NNT: variants seen among roughly 807,000 people sequenced by gnomAD.
NNT encodes the protein NAD(P) transhydrogenase, mitochondrial.
NNT carries 50 observed loss-of-function variants against 104.8 expected under a neutral mutation model. The ratio of observed to expected loss-of-function variants is 0.48; its 90% CI spans 0.38 to 0.60. The LOEUF (loss-of-function observed/expected upper bound fraction) is 0.60. NNT is among the 20% of genes least tolerant of loss of function. The probability of loss-of-function intolerance (pLI) is 0.00; values close to 1 mark genes in which losing one functional copy is unlikely to be tolerated. For synonymous variants in NNT, 461 were observed against 490.4 expected, an observed-to-expected ratio of 0.94 and a Z score of 0.79; for missense variants, 1,131 against 1,330.7, an observed-to-expected ratio of 0.85 and a Z score of 2.33.
chr5:43,624,300 C>T (rs182084117), intron 6 of NNT, among the ~76,000 whole-genome samples, 180 bp downstream of exon 6: 12 of 152,334 alleles, frequency 7.9e-5, no homozygotes, highest in African/African-American at 2.2e-4. Flanking sequence ...ATTACTTAAA[C>T]TAACAACTCA....
chr5:43,670,961 G>A (rs1436700091), intron 17 of NNT, among the ~76,000 whole-genome samples: 1 of 152,152 alleles, frequency 6.6e-6, no homozygotes, highest in African/African-American at 2.4e-5. Context: ...ATGAATCCGG[G>A]TGCCCCTGTA....
intron 4 of NNT, among the ~76,000 whole-genome samples, chr5:43,617,646 C>A (rs1051543298): frequency 6.6e-6 from 1 of 152,080 alleles, no homozygotes; most frequent in Non-Finnish European, 1.5e-5. Context: ...AGAAAATGTC[C>A]AATTTATTAC....
At chr5:43,680,991 T>G (rs1741678631) in intron 19 of NNT, among the ~76,000 whole-genome samples, 1 of 151,478 alleles carries the variant, frequency 6.6e-6, no homozygotes, top group South Asian at 2.1e-4. Context: ...TAGGGAGGGG[T>G]AGAATATGCC....
intron 17 of NNT, among the ~76,000 whole-genome samples, chr5:43,668,938 T>C (rs1255840751): frequency 6.6e-6 from 1 of 152,244 alleles, no homozygotes; most frequent in Admixed American, 6.5e-5. Flanking sequence ...CATTTGTTTG[T>C]GTCCTCTTTT....
chr5:43,674,686 C>T (rs1182512487), intron 17 of NNT, among the ~76,000 whole-genome samples: 2 of 152,044 alleles, frequency 1.3e-5, no homozygotes, highest in East Asian at 3.9e-4. Flanking sequence ...TTTTTTTTCC[C>T]CTTTCTTTTA....
In NNT at chr5:43,628,224, G is replaced by C; in HGVS notation, c.801G>C (p.Lys267Asn). 1 of 1,613,188 alleles carries C rather than the reference G, an allele frequency of 6.2e-7. No homozygotes were observed. Among genetic ancestry groups the C allele is most frequent in the Non-Finnish European group, 8.5e-7 (1 of 1,179,614 alleles). Reference protein sequence around the residue: ...DTRAAALEQFKSLGAEPLEVD... With the variant: ...DTRAAALEQFNSLGAEPLEVD... ...GAGCTGCAGCTTTGGAACAGTTCAA[G>C]TCTCTTGGTGCTGAGCCCTTGGAGG... Residue 267 changes from lysine (K) to asparagine (N), a missense_variant, in exon 7 of 22, where the codon AAG becomes AAC. Physicochemically the swap from Lys to Asn is moderately conservative, Grantham distance 94. Transcript: ENST00000344920.
chr5:43,667,953 T>A (rs1419341973), intron 17 of NNT, among the ~76,000 whole-genome samples: 2 of 152,246 alleles, frequency 1.3e-5, no homozygotes, highest in African/African-American at 4.8e-5. Context: ...TTTTTACTGA[T>A]CGCCATTCTA....
At chr5:43,637,877 T>C (rs1301064387) in intron 7 of NNT, among the ~76,000 whole-genome samples, 1 of 152,186 alleles carries the variant, frequency 6.6e-6, no homozygotes, top group East Asian at 1.9e-4. Context: ...AACCAGTCAC[T>C]AATAAGGTGA....
At chr5:43,633,488 A>G (rs1287639263) in intron 7 of NNT, among the ~76,000 whole-genome samples, 1 of 152,080 alleles carries the variant, frequency 6.6e-6, no homozygotes, top group Non-Finnish European at 1.5e-5. Context: ...CTCAATTACT[A>G]CATCCTCCAT....
In NNT at chr5:43,651,889, G is replaced by A; in HGVS notation, c.1863+5G>A. On this transcript the variant is annotated splice_donor_5th_base_variant and intron_variant, in intron 13 of 21. Transcript: ENST00000344920. ...AGTGGTTATAACATTGAACAGGTAAGATGCTCTTTGTAAGTTTTTATATTT... is the reference window on the plus strand; with the variant it reads ...AGTGGTTATAACATTGAACAGGTAAAATGCTCTTTGTAAGTTTTTATATTT... 6.2e-7 allele frequency: 1 copy of A among 1,611,694 alleles called. No individual in the cohort carries two copies. Among genetic ancestry groups the A allele is most frequent in the Non-Finnish European group, 8.5e-7 (1 of 1,179,266 alleles).
At chr5:43,644,460 T>A in intron 8 of NNT, 135 bp downstream of exon 8, 1 of 1,208,542 alleles carries the variant, frequency 8.3e-7, no homozygotes, top group South Asian at 1.4e-5. Context: ...TTAAAGCTCC[T>A]GTTGAAATAT....
At chr5:43,615,810 A>G (rs971177913) in intron 3 of NNT, 38 bp from the exon 4 acceptor site, 1 of 1,458,804 alleles carries the variant, frequency 6.9e-7, no homozygotes, top group Non-Finnish European at 9.4e-7. Flanking sequence ...TGATTAAAGT[A>G]TTTATATTTA....
intron 7 of NNT, among the ~76,000 whole-genome samples, chr5:43,630,061 G>C (rs2111710298): frequency 6.6e-6 from 1 of 152,262 alleles, no homozygotes; most frequent in Non-Finnish European, 1.5e-5. Context: ...CCAGTGTCTA[G>C]AAGAGTTTTT....
chr5:43,658,323 T>C (rs1485409074), intron 16 of NNT, among the ~76,000 whole-genome samples: 1 of 152,152 alleles, frequency 6.6e-6, no homozygotes, highest in Non-Finnish European at 1.5e-5. Context: ...GCTCTCATTG[T>C]AACAAACAAA....
At chr5:43,611,528 TGCCAGCTTTCTA>T (rs1010271842) in intron 2 of NNT, among the ~76,000 whole-genome samples, 13 of 152,184 alleles carry the variant, frequency 8.5e-5, no homozygotes, top group Admixed American at 8.5e-4. Flanking sequence ...TCCAAATATT[TGCCAGCTTTCTA>T]TTATTTTCCT....
chr5:43,697,755 C>A (rs1410408089), intron 19 of NNT, among the ~76,000 whole-genome samples: 1 of 152,098 alleles, frequency 6.6e-6, no homozygotes, highest in Admixed American at 6.5e-5. Flanking sequence ...CAAGTCACAT[C>A]TTATGTGGAT....
chr5:43,614,821 A>G lies in NNT; in HGVS notation c.382-1027A>G, dbSNP rs190092472. On this transcript the variant is annotated intron_variant, in intron 3 of 21. Coordinates refer to ENST00000344920, the MANE Select transcript of NNT (RefSeq NM_182977.3). ...TAAAACATTTTAAAATACATTTAAAATACAGTTTTAAAAATTTGGCTTTAA... is the reference window on the plus strand; with the variant it reads ...TAAAACATTTTAAAATACATTTAAAGTACAGTTTTAAAAATTTGGCTTTAA... 2.7e-3 allele frequency among the ~76,000 whole-genome samples: 419 copies of G among 152,374 alleles called. 2 individuals carry two copies. Among genetic ancestry groups the G allele is most frequent in the African/African-American group, 9.9e-3 (411 of 41,588 alleles).
At chr5:43,629,372 C>T (rs7702908) in intron 7 of NNT, among the ~76,000 whole-genome samples, 2,135 of 152,112 alleles carry the variant, frequency 0.014, 54 homozygotes, top group African/African-American at 0.045. Flanking sequence ...TTTATCTACT[C>T]GTTGGTTGAT....
chr5:43,666,262 A>C (rs1377462899), intron 17 of NNT, among the ~76,000 whole-genome samples: 1 of 151,862 alleles, frequency 6.6e-6, no homozygotes, highest in African/African-American at 2.4e-5. Context: ...GGGAGGTTGT[A>C]GCCAGCCGAG....
Sources: allele counts gnomAD v4.1 joint callset (sites outside exome capture counted in the v4.1 genomes callset), GRCh38; gene constraint gnomAD v4.1.1; transcripts MANE v1.5; gene names NCBI Gene and HGNC (gene_info 2026-07-23, HGNC 2026-07-21).